CLMN: variants seen among roughly 807,000 people sequenced by gnomAD.
CLMN encodes calmin, also known as calmin (calponin-like, transmembrane).
In CLMN, 57 loss-of-function variants were observed where a neutral mutation model predicts 92.7. The ratio of observed to expected loss-of-function variants is 0.61; its 90% confidence interval spans 0.50 to 0.77. The LOEUF (loss-of-function observed/expected upper bound fraction) is 0.77, where lower values mean the gene tolerates loss of function less well. Ranked by LOEUF, CLMN falls within the 30% of genes least tolerant of loss-of-function variation. CLMN has a pLI of 0.00. For synonymous variants in CLMN, 466 were observed against 470.6 expected (o/e 0.99, Z 0.13); for missense variants, 1,158 against 1,237.5 (o/e 0.94, Z 0.96).
At chr14:95,269,043 C>A (rs752183574) in intron 1 of CLMN, among the ~76,000 whole-genome samples, 7 of 151,806 alleles carry the variant, frequency 4.6e-5, no homozygotes, top group Non-Finnish European at 7.4e-5. Flanking sequence ...ATCTCGTGAT[C>A]CGCCGCCTCA....
intron 1 of CLMN, among the ~76,000 whole-genome samples, chr14:95,274,181 G>C (rs116381832): frequency 6.6e-6 from 1 of 151,910 alleles, no homozygotes; most frequent in East Asian, 1.9e-4. Context: ...CTTTGCTCCC[G>C]CTTGGTTTCT....
At chr14:95,236,174 A>G (rs1378647879) in intron 1 of CLMN, among the ~76,000 whole-genome samples, 1 of 152,224 alleles carries the variant, frequency 6.6e-6, no homozygotes, top group Non-Finnish European at 1.5e-5. Context: ...AGTCTGAGGC[A>G]CAGAGAGCTT....
rs1896561614 is a variant in CLMN at position 95,191,576 on chromosome 14, A to G, written c.2997T>C (p.Val999=). The change falls in exon 13 of 13, where the codon GTT becomes GTC. Residue 999 remains valine, a synonymous_variant. Coordinates refer to ENST00000298912, the MANE Select transcript of CLMN (RefSeq NM_024734.4). The surrounding 1 kb of genome is among the most constrained non-coding windows in gnomAD (Gnocchi z 5.3). Reference sequence around the variant, plus strand: ...CCAGACACACGTATCAGAGCCTGCTAACATCCAGTTGTGGGAAGAGCAGCA... The same window carrying G: ...CCAGACACACGTATCAGAGCCTGCTGACATCCAGTTGTGGGAAGAGCAGCA... ...YCLLLFPQLD[V]SRL 6.2e-7 allele frequency: 1 copy of G among 1,612,594 alleles called. No individual in the cohort carries two copies. Among genetic ancestry groups the G allele is most frequent in the Non-Finnish European group, 8.5e-7 (1 of 1,179,478 alleles).
At chr14:95,222,250 A>G (rs1432965410) in intron 3 of CLMN, among the ~76,000 whole-genome samples, 1 of 152,180 alleles carries the variant, frequency 6.6e-6, no homozygotes, top group Non-Finnish European at 1.5e-5. Context: ...GTGGCGGCAG[A>G]TGTTTCTGTT....
intron 1 of CLMN, among the ~76,000 whole-genome samples, chr14:95,275,500 G>A (rs1899890602): frequency 6.6e-6 from 1 of 152,076 alleles, no homozygotes; most frequent in African/African-American, 2.4e-5. Context: ...ACCCCATATG[G>A]TCTAAAAAGG....
chr14:95,283,628 A>C (rs1373990343), intron 1 of CLMN, among the ~76,000 whole-genome samples: 3 of 152,200 alleles, frequency 2.0e-5, no homozygotes, highest in Admixed American at 6.5e-5. Flanking sequence ...ACCACAGCAA[A>C]GGTGACTCTT....
chr14:95,300,527 A>C (rs1219030827), intron 1 of CLMN, among the ~76,000 whole-genome samples: 3 of 151,972 alleles, frequency 2.0e-5, no homozygotes, highest in African/African-American at 7.3e-5. Flanking sequence ...ATCAAAGGAG[A>C]CCTCTAATGG....
rs995313673 is a variant in CLMN, at chr14:95,183,293, A to C, written c.*8271T>G. ...CTAAATCCTTGCATGACATTTAGCA[A>C]TACTGGCATTCTGGCACAGCATGGG... On this transcript the variant is annotated 3_prime_UTR_variant, in exon 13 of 13. Transcript: ENST00000298912. The C allele has an allele frequency of 2.6e-5, 4 of 152,262 alleles. No individual in the cohort carries two copies. The highest frequency in any genetic ancestry group is 9.6e-5 in the African/African-American group (4 of 41,464). 9.4% of individuals were successfully genotyped at this position (152,262 alleles called of 1,614,324 possible).
At chr14:95,293,427 TCCTTCCTC>T (rs1900682507) in intron 1 of CLMN, among the ~76,000 whole-genome samples, 1 of 143,460 alleles carries the variant, frequency 7.0e-6, no homozygotes, top group East Asian at 2.1e-4. Context: ...TCTCAATACC[TCCTTCCTC>T]CCTTCCTCCC....
In CLMN at chr14:95,203,991, G is replaced by C. The variant is rs1896968049; in HGVS notation, c.1358C>G (p.Ala453Gly). The part of the protein sequence containing the change: ...SLCFEGSPRV[A>G]KESLRQDGHV... ...TCCATCCTGCCTCAATGATTCCTTT[G>C]CCACTCTTGGGCTCCCTTCAAAGCA... Residue 453 changes from alanine to glycine, a missense_variant, in exon 9 of 13, where the codon GCA becomes GGA. Transcript: ENST00000298912. 6.2e-7 allele frequency: 1 copy of C among 1,614,012 alleles called. No homozygotes were observed. The highest frequency in any genetic ancestry group is 1.3e-5 in the African/African-American group (1 of 74,910).
chr14:95,205,561 A>G (rs1230685842), intron 8 of CLMN, among the ~76,000 whole-genome samples: 1 of 152,254 alleles, frequency 6.6e-6, no homozygotes, highest in Non-Finnish European at 1.5e-5. Context: ...GTTTTCTTAA[A>G]AAGCCTACTA....
chr14:95,303,645 C>G (rs1007295104), intron 1 of CLMN, among the ~76,000 whole-genome samples: 3 of 152,212 alleles, frequency 2.0e-5, no homozygotes, highest in African/African-American at 7.2e-5. Flanking sequence ...CTCCTGGTAA[C>G]CAGTATTCAG....
Position 95,204,107 on chromosome 14 carries a change from G to C in CLMN, c.1242C>G (p.Asn414Lys). 2 of 1,614,106 alleles carry C rather than the reference G, an allele frequency of 1.2e-6. No individual in the cohort carries two copies. The highest frequency in any genetic ancestry group is 1.7e-6 in the Non-Finnish European group (2 of 1,180,036). The change falls in exon 9 of 13, where the codon AAC becomes AAG. Residue 414 changes from asparagine to lysine, a missense_variant. Transcript: ENST00000298912. ...ESSILSSRKE[N>K]GRSNSLPIKK... ...TGATCGGCAAAGAGTTGGACCTCCCGTTCTCCTTTCTGGATGATAAAATGG... is the reference window on the plus strand; with the variant it reads ...TGATCGGCAAAGAGTTGGACCTCCCCTTCTCCTTTCTGGATGATAAAATGG...
intron 1 of CLMN, among the ~76,000 whole-genome samples, chr14:95,284,518 G>A (rs1346565738): frequency 6.6e-6 from 1 of 152,190 alleles, no homozygotes; most frequent in African/African-American, 2.4e-5. Flanking sequence ...ACAGCCAGGA[G>A]GGAGGCTGTA....
At position 95,256,231 on chromosome 14, in the gene CLMN, C is replaced by T. The variant is rs756544537; in HGVS notation, c.83-26098G>A. On this transcript the variant is annotated intron_variant, in intron 1 of 12. Transcript: ENST00000298912. The surrounding 1 kb of genome is among the most constrained non-coding windows in gnomAD (Gnocchi z 4.9). ...CAACCGAGGCCCGCCACCCACTCCT[C>T]GGCACCCAGTTGGGAAGGACTTCAC... 1.3e-5 allele frequency among the ~76,000 whole-genome samples: 2 copies of T among 152,172 alleles called. No homozygotes were observed. Among genetic ancestry groups the T allele is most frequent in the Non-Finnish European group, 2.9e-5 (2 of 68,026 alleles).
intron 1 of CLMN, among the ~76,000 whole-genome samples, chr14:95,290,767 C>A (rs985984513): frequency 6.6e-6 from 1 of 152,176 alleles, no homozygotes; most frequent in African/African-American, 2.4e-5. Flanking sequence ...CTAGGAAACC[C>A]ACGGACCTCC....
At chr14:95,261,347 C>A (rs1386360592) in intron 1 of CLMN, among the ~76,000 whole-genome samples, 1 of 152,236 alleles carries the variant, frequency 6.6e-6, no homozygotes, top group Non-Finnish European at 1.5e-5. Context: ...GCTTTGCGCA[C>A]CTCCGTGAAA....
chr14:95,206,681 A>G (rs1897054757), intron 8 of CLMN, among the ~76,000 whole-genome samples: 1 of 152,244 alleles, frequency 6.6e-6, no homozygotes, highest in Non-Finnish European at 1.5e-5. Flanking sequence ...GCAGTGATGC[A>G]GCATGTTCTG....
At chr14:95,210,353 C>T (rs1897162054) in intron 7 of CLMN, among the ~76,000 whole-genome samples, 1 of 152,044 alleles carries the variant, frequency 6.6e-6, no homozygotes, top group Non-Finnish European at 1.5e-5. Context: ...CGCCCAGCCA[C>T]TAAGTACATT....
Sources: allele counts gnomAD v4.1 joint callset (sites outside exome capture counted in the v4.1 genomes callset), GRCh38; gene constraint gnomAD v4.1.1; non-coding constraint Gnocchi (gnomAD v3.1); transcripts MANE v1.5; gene names NCBI Gene and HGNC (gene_info 2026-07-23, HGNC 2026-07-21).